The following NGEF variants were observed in gnomAD, a reference collection of about 807,000 sequenced individuals.
The protein encoded by NGEF is neuronal guanine nucleotide exchange factor.
Under a neutral mutation model 80.9 loss-of-function variants are expected in NGEF, and 31 were observed. That is an observed-to-expected ratio of 0.38 (90% CI 0.29 to 0.52). NGEF has a LOEUF of 0.52. NGEF is among the 20% of genes least tolerant of loss of function. NGEF has a pLI of 0.84. For missense variants in NGEF, 709 were observed against 926.2 expected (o/e 0.77, Z 3.04); for synonymous variants, 371 against 370.2 (o/e 1.00, Z -0.03).
At chr2:232,925,868 GCCACCA>G (rs929592432) in intron 4 of NGEF, among the ~76,000 whole-genome samples, 1 of 152,014 alleles carries the variant, frequency 6.6e-6, no homozygotes, top group Non-Finnish European at 1.5e-5. Context: ...AAAGGGAAAA[GCCACCA>G]CCACCACCAC....
chr2:232,900,563 T>C (rs1329392184), intron 5 of NGEF, among the ~76,000 whole-genome samples: 1 of 85,018 alleles, frequency 1.2e-5, no homozygotes, highest in Non-Finnish European at 2.2e-5. Flanking sequence ...TTCACTCACA[T>C]TCACTCACAC....
chr2:232,954,940 T>C (rs1693766383), intron 3 of NGEF, among the ~76,000 whole-genome samples: 1 of 151,278 alleles, frequency 6.6e-6, no homozygotes, highest in Middle Eastern at 3.2e-3. Context: ...TAGTAACAGG[T>C]CACGCACGTT....
chr2:232,884,124 G>T lies in NGEF; in HGVS notation c.1458C>A (p.His486Gln). The change falls in exon 11 of 15, where the codon CAC becomes CAA. Residue 486 changes from histidine (H) to glutamine (Q), a missense_variant. Coordinates refer to ENST00000264051, the MANE Select transcript of NGEF (RefSeq NM_019850.3). ...CACCCTGCTTCAGCAGCCAGCGGGA[G>T]TGGGAGATGATGGGCACCGACTGCA... ...FKIKSVPIIS[H>Q]SRWLLKQGEL... 6.2e-7 allele frequency: 1 copy of T among 1,605,230 alleles called. No individual in the cohort carries two copies.
intron 10 of NGEF, 87 bp downstream of exon 10, chr2:232,885,193 G>T (rs897943799): frequency 3.9e-6 from 5 of 1,269,534 alleles, no homozygotes; most frequent in South Asian, 2.5e-5. Flanking sequence ...CCTAAGCAAG[G>T]CCAGCCAGGC....
chr2:232,893,201 A>G (rs1691939520), intron 6 of NGEF, 151 bp from the exon 7 acceptor site: 3 of 703,150 alleles, frequency 4.3e-6, no homozygotes, highest in Non-Finnish European at 7.0e-6. Flanking sequence ...CGGCAGGGGC[A>G]CCGAGCACTG....
chr2:232,920,553 T>A lies in NGEF; in HGVS notation c.559A>T (p.Thr187Ser). ...LLYQEYRDKS[T>S]LQEIETRRQQ... Reference sequence around the variant, plus strand: ...CTCCTGGTTTCGATTTCTTGGAGAGTCGATTTATCTCGGTATTCCTGATAC... The same window carrying A: ...CTCCTGGTTTCGATTTCTTGGAGAGACGATTTATCTCGGTATTCCTGATAC... Residue 187 changes from threonine to serine, a missense_variant, in exon 5 of 15, where the codon ACT (threonine) becomes TCT (serine). Physicochemically the swap from Thr to Ser is moderately conservative, Grantham distance 58. Coordinates refer to ENST00000264051, the MANE Select transcript of NGEF (RefSeq NM_019850.3). 6 of 1,537,932 alleles carry A rather than the reference T, an allele frequency of 3.9e-6. No homozygotes were observed. The highest frequency in any genetic ancestry group is 5.3e-6 in the Non-Finnish European group (6 of 1,140,458).
At chr2:232,941,390 A>G (rs1166172358) in intron 3 of NGEF, among the ~76,000 whole-genome samples, 1 of 152,230 alleles carries the variant, frequency 6.6e-6, no homozygotes, top group East Asian at 1.9e-4. Flanking sequence ...GGCAAGAAGG[A>G]GGTCTGCTTT....
intron 5 of NGEF, among the ~76,000 whole-genome samples, chr2:232,913,821 G>A (rs1692738138): frequency 6.6e-6 from 1 of 152,176 alleles, no homozygotes; most frequent in South Asian, 2.1e-4. Flanking sequence ...TCGGGAGGCT[G>A]AGGCAGGAGA....
intron 1 of NGEF, among the ~76,000 whole-genome samples, chr2:232,981,864 C>T (rs1465208403): frequency 6.6e-6 from 1 of 152,242 alleles, no homozygotes; most frequent in Admixed American, 6.5e-5. Context: ...GCAAGGTGAA[C>T]CCACTGGGTG....
intron 5 of NGEF, among the ~76,000 whole-genome samples, chr2:232,903,333 A>C (rs557916521): frequency 1.1e-4 from 16 of 152,220 alleles, no homozygotes; most frequent in Non-Finnish European, 2.1e-4. Context: ...ACATCTAAAC[A>C]GTGGAGCCCA....
chr2:232,927,212 G>A lies in NGEF; in HGVS notation c.384-26C>T, dbSNP rs751933158. ...CTGCCAGAGAGGGAGGAGGACAGGG[G>A]CTGGTTATTTTTAAGCAAGGATTCA... is the stretch of plus-strand genomic sequence containing the variant. On this transcript the variant is annotated intron_variant, in intron 3 of 14. Transcript: ENST00000264051. 4 of 1,535,968 alleles carry A rather than the reference G, an allele frequency of 2.6e-6. No homozygotes were observed. In the South Asian group the frequency reaches 5.1e-5, roughly 19 times the overall value.
chr2:232,931,236 T>G (rs1264077699), intron 3 of NGEF, among the ~76,000 whole-genome samples: 1 of 152,210 alleles, frequency 6.6e-6, no homozygotes, highest in African/African-American at 2.4e-5. Flanking sequence ...ATGCTCTGCC[T>G]GCAGTGCCCA....
intron 1 of NGEF, among the ~76,000 whole-genome samples, chr2:232,981,429 C>A (rs996296633): frequency 3.3e-5 from 5 of 152,222 alleles, no homozygotes; most frequent in African/African-American, 1.2e-4. Flanking sequence ...AGGGGTCCTG[C>A]AGCCTCTGAC....
At chr2:232,966,041 A>T (rs1332086601) in intron 3 of NGEF, among the ~76,000 whole-genome samples, 1 of 152,192 alleles carries the variant, frequency 6.6e-6, no homozygotes, top group Non-Finnish European at 1.5e-5. Context: ...TGGAAGTTAT[A>T]AGCAAATGGT....
At chr2:232,879,753 C>T (rs1691429113) in intron 14 of NGEF, 74 bp from the exon 15 acceptor site, 3 of 1,442,770 alleles carry the variant, frequency 2.1e-6, no homozygotes, top group African/African-American at 1.4e-5. Flanking sequence ...CCCTCCTGGC[C>T]AGGGCCCCCA....
At chr2:232,904,213 G>A (rs1319808815) in intron 5 of NGEF, among the ~76,000 whole-genome samples, 2 of 152,132 alleles carry the variant, frequency 1.3e-5, no homozygotes, top group Admixed American at 1.3e-4. Flanking sequence ...GTGCATATAT[G>A]AGTGTGTGTC....
At chr2:232,926,050 G>A (rs1268390149) in intron 4 of NGEF, among the ~76,000 whole-genome samples, 1 of 152,182 alleles carries the variant, frequency 6.6e-6, no homozygotes, top group African/African-American at 2.4e-5. Context: ...GGCTGCCCGG[G>A]AAAGGTCTCC....
chr2:232,982,873 C>A (rs1290711270), intron 1 of NGEF, among the ~76,000 whole-genome samples: 1 of 152,172 alleles, frequency 6.6e-6, no homozygotes, highest in Non-Finnish European at 1.5e-5. Flanking sequence ...AGGATTTAGA[C>A]AGAGGAAGGA....
At chr2:232,987,521 G>T (rs756947107) in intron 1 of NGEF, among the ~76,000 whole-genome samples, 1 of 152,110 alleles carries the variant, frequency 6.6e-6, no homozygotes, top group Non-Finnish European at 1.5e-5. Context: ...GAGGAAGCTG[G>T]CTCCAAAGAA....
Sources: gnomAD v4.1 joint callset for allele counts (sites outside exome capture counted in the v4.1 genomes callset) on GRCh38, gnomAD v4.1.1 for gene constraint, MANE v1.5 for transcripts, NCBI Gene and HGNC (gene_info 2026-07-23, HGNC 2026-07-21) for gene names.